Variants in JAM3 observed in about 807,000 individuals in gnomAD.
The protein encoded by JAM3 is junctional adhesion molecule 3.
A neutral mutation model predicts 39.4 loss-of-function variants in JAM3; 31 were observed. The ratio of observed to expected loss-of-function variants is 0.79; its 90% CI spans 0.59 to 1.06. The LOEUF (loss-of-function observed/expected upper bound fraction) is 1.06. Ranked by LOEUF, JAM3 falls within the 50% of genes least tolerant of loss-of-function variation. JAM3 has a pLI of 0.00. For missense variants in JAM3, 455 were observed against 391.4 expected (o/e 1.16, Z -1.37); for synonymous variants, 182 against 148.7 (o/e 1.22, Z -1.63).
At chr11:134,086,134 C>G (rs1941742596) in intron 1 of JAM3, among the ~76,000 whole-genome samples, 1 of 152,066 alleles carries the variant, frequency 6.6e-6, no homozygotes, top group African/African-American at 2.4e-5. Context: ...ATTACAAGGA[C>G]CAAGTAAGAT....
rs988121175 is a variant in JAM3, at chr11:134,149,830, G to T, written c.*649G>T. 9 of 344,756 alleles carry T rather than the reference G, an allele frequency of 2.6e-5. No individual in the cohort carries two copies. Among genetic ancestry groups the T allele is most frequent in the African/African-American group, 1.5e-4 (7 of 46,418 alleles). 21.4% of individuals were successfully genotyped at this position (344,756 alleles called of 1,614,324 possible). ...TGAGGAACCCTGCTTGTCCAACAGGGTGTCAGGATTTAAGGAAAACCTTCG... is the reference window on the plus strand; with the variant it reads ...TGAGGAACCCTGCTTGTCCAACAGGTTGTCAGGATTTAAGGAAAACCTTCG... On this transcript the variant is annotated 3_prime_UTR_variant, in exon 9 of 9. Transcript: ENST00000299106.
intron 1 of JAM3, among the ~76,000 whole-genome samples, chr11:134,138,220 AATAGT>A: frequency 1.6e-5 from 2 of 123,666 alleles, no homozygotes; most frequent in African/African-American, 7.7e-5. Flanking sequence ...GTTTATGGCC[AATAGT>A]CCCTTAGAGC....
intron 1 of JAM3, among the ~76,000 whole-genome samples, chr11:134,082,043 G>A (rs941375613): frequency 1.6e-4 from 25 of 152,172 alleles, no homozygotes; most frequent in African/African-American, 4.1e-4. Flanking sequence ...GGGGCCTATC[G>A]CCCCTTTGTC....
intron 1 of JAM3, among the ~76,000 whole-genome samples, chr11:134,121,680 C>T (rs565543786): frequency 6.6e-6 from 1 of 152,250 alleles, no homozygotes; most frequent in South Asian, 2.1e-4. Flanking sequence ...GAACAATTAA[C>T]ATTAGTCTTT....
intron 1 of JAM3, among the ~76,000 whole-genome samples, chr11:134,101,510 T>G (rs1189177405): frequency 6.6e-6 from 1 of 152,214 alleles, no homozygotes; most frequent in Non-Finnish European, 1.5e-5. Context: ...TAAGCATGTC[T>G]CCAGGCTTAA....
chr11:134,109,672 G>T (rs866171447), intron 1 of JAM3, among the ~76,000 whole-genome samples: 6 of 152,202 alleles, frequency 3.9e-5, no homozygotes, highest in African/African-American at 1.4e-4. Context: ...GATTTTGAGG[G>T]CTGCAATATT....
At chr11:134,075,782 GTTTC>G (rs1453101265) in intron 1 of JAM3, among the ~76,000 whole-genome samples, 4 of 152,110 alleles carry the variant, frequency 2.6e-5, no homozygotes, top group Admixed American at 2.0e-4. Context: ...ATACCTGTGA[GTTTC>G]TTTCTTTCTT....
intron 1 of JAM3, among the ~76,000 whole-genome samples, chr11:134,071,688 C>T (rs1182506496): frequency 6.6e-6 from 1 of 152,150 alleles, no homozygotes; most frequent in Non-Finnish European, 1.5e-5. Context: ...ATCAAAATTT[C>T]TGGGAAATTT....
At chr11:134,098,418 C>A (rs756322122) in intron 1 of JAM3, among the ~76,000 whole-genome samples, 1 of 152,088 alleles carries the variant, frequency 6.6e-6, no homozygotes, top group Non-Finnish European at 1.5e-5. Flanking sequence ...AGAAAGTTCA[C>A]GTGAGATAAT....
In JAM3 at chr11:134,121,384, C is replaced by T. The variant is rs116426391; in HGVS notation, c.77-18467C>T. ...AGTTCCAGAGAAGAATCTGAGGAGC[C>T]GTGTGAGCTAGGAAGGCCATTGTGA... On this transcript the variant is annotated intron_variant, in intron 1 of 8. Coordinates refer to ENST00000299106, the MANE Select transcript of JAM3 (RefSeq NM_032801.5). Among the ~76,000 whole-genome samples the T allele has an allele frequency of 9.7e-3, 1,474 of 151,790 alleles. 19 individuals carry two copies. The highest frequency in any genetic ancestry group is 0.033 in the African/African-American group (1,381 of 41,302).
Position 134,129,813 on chromosome 11 carries a change from G to A in JAM3, c.77-10038G>A, listed in dbSNP as rs547809763. Among the ~76,000 whole-genome samples, 43 of 152,242 alleles carry A rather than the reference G, an allele frequency of 2.8e-4. No individual in the cohort carries two copies. The South Asian group carries it at 8.9e-3, about 32-fold the overall frequency. ...GCTCAGGAGCGCGAGACCAGCCTGG[G>A]CAACACGGTGAAACCCCATCTCTAC... On this transcript the variant is annotated intron_variant, in intron 1 of 8. Transcript: ENST00000299106.
At chr11:134,106,044 A>G (rs1942179072) in intron 1 of JAM3, among the ~76,000 whole-genome samples, 1 of 152,258 alleles carries the variant, frequency 6.6e-6, no homozygotes, top group African/African-American at 2.4e-5. Flanking sequence ...TTGCCAAGTC[A>G]ATAATAAGCC....
chr11:134,145,678 TGAA>T (rs1256452143), intron 5 of JAM3, among the ~76,000 whole-genome samples: 2 of 152,208 alleles, frequency 1.3e-5, no homozygotes, highest in Non-Finnish European at 2.9e-5. Flanking sequence ...CAGTCATCAT[TGAA>T]GAGCCCTTTT....
intron 3 of JAM3, 132 bp from the exon 4 acceptor site, chr11:134,144,109 C>T: frequency 1.8e-5 from 15 of 854,024 alleles, no homozygotes; most frequent in Admixed American, 2.0e-5. Context: ...CTTCTGTACT[C>T]GGGAATAGAA....
At chr11:134,094,263 CT>C in intron 1 of JAM3, among the ~76,000 whole-genome samples, 1 of 133,516 alleles carries the variant, frequency 7.5e-6, no homozygotes, top group East Asian at 2.5e-4. Context: ...CATGTTCCAC[CT>C]TAAACGTCAC....
At chr11:134,120,822 T>C (rs1039487388) in intron 1 of JAM3, among the ~76,000 whole-genome samples, 1 of 152,184 alleles carries the variant, frequency 6.6e-6, no homozygotes, top group African/African-American at 2.4e-5. Context: ...ATCAGGAAAT[T>C]TGTGGGCTGA....
At chr11:134,072,564 C>G (rs1484062232) in intron 1 of JAM3, among the ~76,000 whole-genome samples, 2 of 152,196 alleles carry the variant, frequency 1.3e-5, no homozygotes, top group African/African-American at 4.8e-5. Context: ...CCCGCCTTGG[C>G]CTACCAAAGT....
chr11:134,121,821 GCACACACACACACA>G (rs1555117431), intron 1 of JAM3, among the ~76,000 whole-genome samples: 3 of 148,514 alleles, frequency 2.0e-5, no homozygotes, highest in Non-Finnish European at 3.0e-5. Context: ...GCATGTGTGC[GCACACACACACACA>G]CACACACACA....
Position 134,144,837 on chromosome 11 carries a change from T to G in JAM3, c.455T>G (p.Val152Gly). ...TGTAGAGTGCCGAAGGCTGTACCAG[T>G]AGGCAAGATGGCAACACTGCACTGC... The part of the protein sequence containing the change: ...PVCRVPKAVP[V>G]GKMATLHCQE... Residue 152 changes from valine to glycine, a missense_variant, in exon 5 of 9, where the codon GTA becomes GGA. Physicochemically the swap from Val to Gly is moderately radical, Grantham distance 109. Coordinates refer to ENST00000299106, the MANE Select transcript of JAM3 (RefSeq NM_032801.5). The G allele has an allele frequency of 6.2e-7, 1 of 1,614,182 alleles. No individual in the cohort carries two copies. The highest frequency in any genetic ancestry group is 8.5e-7 in the Non-Finnish European group (1 of 1,180,024).
Sources: allele counts gnomAD v4.1 joint callset (sites outside exome capture counted in the v4.1 genomes callset), GRCh38; gene constraint gnomAD v4.1.1; transcripts MANE v1.5; gene names NCBI Gene and HGNC (gene_info 2026-07-23, HGNC 2026-07-21).